GPAT3: variants seen among roughly 807,000 people sequenced by gnomAD.
GPAT3 encodes 1-AGP acyltransferase 9.
GPAT3 carries 53 observed loss-of-function variants against 58.8 expected under a neutral mutation model. The observed-to-expected ratio is 0.90, with a 90% confidence interval of 0.72 to 1.13. The LOEUF (loss-of-function observed/expected upper bound fraction) is 1.13. Ranked by LOEUF, GPAT3 falls within the 50% of genes most tolerant of loss-of-function variation. The pLI is 0.00. For synonymous variants in GPAT3, 197 were observed against 187.4 expected (o/e 1.05, Z -0.42); for missense variants, 511 against 527.6 (o/e 0.97, Z 0.31).
At chr4:83,540,775 C>G (rs910786183) in intron 1 of GPAT3, among the ~76,000 whole-genome samples, 1 of 152,102 alleles carries the variant, frequency 6.6e-6, no homozygotes, top group African/African-American at 2.4e-5. Flanking sequence ...CTGCAACCTC[C>G]CCCTCCCGGA....
At chr4:83,574,859 ATTTC>A (rs1725737531) in intron 2 of GPAT3, among the ~76,000 whole-genome samples, 1 of 127,484 alleles carries the variant, frequency 7.8e-6, no homozygotes, top group Non-Finnish European at 1.7e-5. Flanking sequence ...ACTCCCGAAC[ATTTC>A]TTTCTTTTTT....
Position 83,553,641 on chromosome 4 carries a change from G to A in GPAT3, c.208+9039G>A, listed in dbSNP as rs541648555. 1.3e-3 allele frequency among the ~76,000 whole-genome samples: 192 copies of A among 152,254 alleles called. 1 individual carries two copies. The highest frequency in any genetic ancestry group is 4.3e-3 in the African/African-American group (180 of 41,554). On this transcript the variant is annotated intron_variant, in intron 2 of 11. Transcript: ENST00000264409. ...AGGCCGGGCACGGTGGCTCATGCCT[G>A]TAATCCCAGCACTTTGGGAGGCTGA...
chr4:83,556,059 AAT>A (rs2110078971), intron 2 of GPAT3, among the ~76,000 whole-genome samples: 1 of 152,332 alleles, frequency 6.6e-6, no homozygotes, highest in Admixed American at 6.5e-5. Flanking sequence ...ATCTATTAAG[AAT>A]ATTTAGCATT....
At chr4:83,586,452 G>A (rs1726378866) in intron 3 of GPAT3, among the ~76,000 whole-genome samples, 2 of 152,156 alleles carry the variant, frequency 1.3e-5, no homozygotes, top group South Asian at 4.1e-4. Flanking sequence ...GGAACAGGAA[G>A]ACATAAATAG....
chr4:83,591,068 C>T (rs1356851305), intron 6 of GPAT3, among the ~76,000 whole-genome samples: 2 of 151,864 alleles, frequency 1.3e-5, no homozygotes, highest in Non-Finnish European at 2.9e-5. Context: ...TAGGGGATCG[C>T]CTTTTCAAAT....
rs543447871 is a variant in GPAT3, at chr4:83,569,284, A to G, written c.209-12278A>G. Among the ~76,000 whole-genome samples, 5 of 152,216 alleles carry G rather than the reference A, an allele frequency of 3.3e-5. No individual in the cohort carries two copies. The East Asian group carries it at 5.8e-4, about 18-fold the overall frequency. ...GAGCCTATGCAAGTTTGGACCCTGA[A>G]GTTTAACCTTACTGGCTTCATGGTC... On this transcript the variant is annotated intron_variant, in intron 2 of 11. Coordinates refer to ENST00000264409, the MANE Select transcript of GPAT3 (RefSeq NM_032717.5).
intron 2 of GPAT3, among the ~76,000 whole-genome samples, chr4:83,562,212 T>TATATATATATATAATATATATATA (rs1725181063): frequency 8.8e-5 from 1 of 11,362 alleles, no homozygotes; most frequent in Non-Finnish European, 1.7e-4. Context: ...ATATATATAT[T>TATATATATATATAATATATATATA]ATATATATAT....
chr4:83,602,529 G>T (rs1400176736), intron 11 of GPAT3, among the ~76,000 whole-genome samples: 1 of 149,218 alleles, frequency 6.7e-6, no homozygotes, highest in African/African-American at 2.4e-5. Context: ...TCTTAAACTG[G>T]CTTTTATATA....
At chr4:83,544,768 T>C (rs1326868754) in intron 2 of GPAT3, among the ~76,000 whole-genome samples, 166 bp downstream of exon 2, 8 of 152,176 alleles carry the variant, frequency 5.3e-5, no homozygotes, top group African/African-American at 1.9e-4. Context: ...TCATGGACTT[T>C]TTATTGTAAA....
At position 83,562,237 on chromosome 4, in the gene GPAT3, AT is replaced by A. The variant is rs1560611268; in HGVS notation, c.208+17636del. 4.1e-3 allele frequency among the ~76,000 whole-genome samples: 284 copies of A among 69,800 alleles called. 14 individuals are homozygous for A. Among genetic ancestry groups the A allele is most frequent in the African/African-American group, 0.017 (273 of 16,426 alleles). The allele number at this position is 69,800 out of a possible 152,430, so 45.8% of individuals were successfully genotyped here. ...TATATATATATATAATATATATATA[AT>A]ATATATATATAAAATATAGTTTGGC... is the stretch of plus-strand genomic sequence containing the variant. On this transcript the variant is annotated intron_variant, in intron 2 of 11. Transcript: ENST00000264409.
Position 83,598,590 on chromosome 4 carries a change from A to G in GPAT3, c.1126-54A>G, listed in dbSNP as rs1164166146. 6 of 1,392,806 alleles carry G rather than the reference A, an allele frequency of 4.3e-6. No homozygotes were observed. In the Admixed American group the frequency reaches 5.5e-5, roughly 13 times the overall value. The allele number at this position is 1,392,806 out of a possible 1,614,324, so 86.3% of individuals were successfully genotyped here. A position where few individuals can be genotyped will look rare whatever the true frequency, so the allele number is the denominator to read the frequency against. The stretch of plus-strand genomic sequence containing the variant: ...CAAATACAAATGATTATGAGATGGT[A>G]TTAAAAACTCGATAACTAAGATATT... On this transcript the variant is annotated intron_variant, in intron 10 of 11. Coordinates refer to ENST00000264409, the MANE Select transcript of GPAT3 (RefSeq NM_032717.5).
chr4:83,604,145 C>T (rs1298077696), intron 11 of GPAT3, among the ~76,000 whole-genome samples: 1 of 152,136 alleles, frequency 6.6e-6, no homozygotes, highest in Non-Finnish European at 1.5e-5. Flanking sequence ...GATCTCGGCT[C>T]ACTGCAACCT....
intron 6 of GPAT3, among the ~76,000 whole-genome samples, chr4:83,594,364 G>A (rs1726731949): frequency 6.6e-6 from 1 of 152,136 alleles, no homozygotes. Context: ...TAATTTCTAG[G>A]AGAGGAATTA....
chr4:83,571,254 A>G (rs1037489065), intron 2 of GPAT3, among the ~76,000 whole-genome samples: 12 of 152,202 alleles, frequency 7.9e-5, no homozygotes. Flanking sequence ...AGCCATTAGG[A>G]ATAAAGCTGC....
chr4:83,565,695 C>T (rs1560613169), intron 2 of GPAT3, among the ~76,000 whole-genome samples: 1 of 152,084 alleles, frequency 6.6e-6, no homozygotes, highest in Non-Finnish European at 1.5e-5. Flanking sequence ...CCCACACCAC[C>T]CGGTGGGTAC....
rs763363954 is a variant in GPAT3, at chr4:83,581,640, T to C, written c.287T>C (p.Val96Ala). ...LRGRDFELSD[V>A]FYFSKKGLEA... ...GGAAGGGACTTTGAGCTGTCTGACG[T>C]GTTTTATTTCTCCAAGAAGGGATTG... is the stretch of plus-strand genomic sequence containing the variant. Residue 96 changes from valine (V) to alanine (A), a missense_variant, in exon 3 of 12, where the codon GTG (valine) becomes GCG (alanine). Physicochemically the swap from Val to Ala is moderately conservative, Grantham distance 64. Coordinates refer to ENST00000264409, the MANE Select transcript of GPAT3 (RefSeq NM_032717.5). The C allele has an allele frequency of 2.1e-5, 34 of 1,613,986 alleles. No homozygotes were observed. The Admixed American group carries it at 3.7e-4, about 17-fold the overall frequency.
At chr4:83,601,274 C>T (rs1727043343) in intron 11 of GPAT3, among the ~76,000 whole-genome samples, 1 of 152,050 alleles carries the variant, frequency 6.6e-6, no homozygotes, top group African/African-American at 2.4e-5. Context: ...TTCTAAGAAC[C>T]TATCAACAAT....
At chr4:83,583,301 A>C (rs1726233294) in intron 3 of GPAT3, among the ~76,000 whole-genome samples, 1 of 151,962 alleles carries the variant, frequency 6.6e-6, no homozygotes, top group Non-Finnish European at 1.5e-5. Flanking sequence ...TCCAAAAAAA[A>C]AAGAAAGAAA....
chr4:83,535,837 C>T (rs1376162955), upstream of GPAT3: 1 of 985,452 alleles, frequency 1.0e-6, no homozygotes, highest in African/African-American at 1.7e-5. Context: ...CGTTTTACAC[C>T]CACACAAACA....
Sources: gnomAD v4.1 joint callset for allele counts (sites outside exome capture counted in the v4.1 genomes callset) on GRCh38, gnomAD v4.1.1 for gene constraint, MANE v1.5 for transcripts, NCBI Gene and HGNC (gene_info 2026-07-23, HGNC 2026-07-21) for gene names.